CADPS: variants seen among roughly 807,000 people sequenced by gnomAD.
The protein encoded by CADPS is calcium dependent secretion activator.
Under a neutral mutation model 167.3 loss-of-function variants are expected in CADPS, and 57 were observed. That is an observed-to-expected ratio of 0.34 (90% CI 0.28 to 0.42). CADPS has a LOEUF of 0.42. Among genes scored for constraint, CADPS ranks in the 20% least tolerant of loss-of-function variants. CADPS has a pLI of 1.00. For synonymous variants in CADPS, 676 were observed against 635.3 expected, an observed-to-expected ratio of 1.06 and a Z score of -0.96; for missense variants, 1,414 against 1,738.1, an observed-to-expected ratio of 0.81 and a Z score of 3.32.
chr3:62,680,355 A>T (rs1484868906), intron 3 of CADPS, among the ~76,000 whole-genome samples: 1 of 152,054 alleles, frequency 6.6e-6, no homozygotes, highest in Non-Finnish European at 1.5e-5. Context: ...TGAAGTGAAC[A>T]CATTGGCCCA....
At chr3:62,460,868 C>A (rs1030220790) in intron 26 of CADPS, among the ~76,000 whole-genome samples, 1 of 152,154 alleles carries the variant, frequency 6.6e-6, no homozygotes, top group South Asian at 2.1e-4. Flanking sequence ...CTAAGATAGG[C>A]TTTATTCTTC....
At chr3:62,784,973 G>A (rs941176459) in intron 1 of CADPS, among the ~76,000 whole-genome samples, 2 of 152,102 alleles carry the variant, frequency 1.3e-5, no homozygotes, top group South Asian at 2.1e-4. Flanking sequence ...ATAATGGTAC[G>A]GTGGGTTATG....
intron 8 of CADPS, among the ~76,000 whole-genome samples, chr3:62,581,215 C>T (rs1257792296): frequency 1.3e-5 from 2 of 152,106 alleles, no homozygotes; most frequent in Non-Finnish European, 2.9e-5. Context: ...ATGAAGCTAA[C>T]CGCCAAATCT....
intron 3 of CADPS, among the ~76,000 whole-genome samples, chr3:62,740,949 A>G (rs1207071601): frequency 6.6e-6 from 1 of 152,188 alleles, no homozygotes; most frequent in Non-Finnish European, 1.5e-5. Context: ...TAACAGTTAG[A>G]ATTTATTGTG....
chr3:62,424,117 CA>C (rs1191602412), intron 28 of CADPS, among the ~76,000 whole-genome samples: 1 of 152,120 alleles, frequency 6.6e-6, no homozygotes, highest in African/African-American at 2.4e-5. Flanking sequence ...CTTCTAGAGG[CA>C]CAGAGTATGG....
At chr3:62,839,666 C>T (rs547143958) in intron 1 of CADPS, among the ~76,000 whole-genome samples, 26 of 152,100 alleles carry the variant, frequency 1.7e-4, no homozygotes, top group East Asian at 5.8e-4. Flanking sequence ...AATGGGTTGG[C>T]GAAGGCCAGG....
At chr3:62,871,807 T>A (rs1253459033) in intron 1 of CADPS, among the ~76,000 whole-genome samples, 4 of 152,202 alleles carry the variant, frequency 2.6e-5, no homozygotes, top group African/African-American at 9.6e-5. Context: ...TGTCCCATAC[T>A]ACTGTAAGAT....
chr3:62,413,833 A>G (rs1393853193), intron 28 of CADPS, among the ~76,000 whole-genome samples: 2 of 152,188 alleles, frequency 1.3e-5, no homozygotes, highest in African/African-American at 4.8e-5. Flanking sequence ...TTTGCCTAAG[A>G]AAGAACAGAT....
chr3:62,454,408 C>T (rs1226364593), intron 26 of CADPS, among the ~76,000 whole-genome samples: 2 of 152,140 alleles, frequency 1.3e-5, no homozygotes, highest in African/African-American at 2.4e-5. Context: ...GGAAACTGGG[C>T]TCAGAGAGGT....
At chr3:62,865,562 G>T (rs2081535885) in intron 1 of CADPS, among the ~76,000 whole-genome samples, 1 of 152,024 alleles carries the variant, frequency 6.6e-6, no homozygotes, top group African/African-American at 2.4e-5. Flanking sequence ...ATGGCAGACA[G>T]CAGATGGGAA....
chr3:62,654,949 C>G (rs13098841), intron 4 of CADPS, among the ~76,000 whole-genome samples: 105,838 of 152,032 alleles, frequency 0.7, 39,153 homozygotes, highest in East Asian at 0.93. Context: ...GGGACTCACT[C>G]AGTGCCTTTT....
At chr3:62,501,315 C>T (rs1177386025) in intron 17 of CADPS, among the ~76,000 whole-genome samples, 1 of 152,162 alleles carries the variant, frequency 6.6e-6, no homozygotes, top group Non-Finnish European at 1.5e-5. Context: ...AATAGACTAT[C>T]ATAATTTCAT....
intron 26 of CADPS, among the ~76,000 whole-genome samples, chr3:62,449,137 T>C (rs950354989): frequency 4.6e-5 from 7 of 152,276 alleles, no homozygotes; most frequent in Non-Finnish European, 5.9e-5. Flanking sequence ...TGTGTAAAAT[T>C]ACAGGGCCCT....
chr3:62,618,541 G>A (rs971041702), intron 6 of CADPS, among the ~76,000 whole-genome samples: 4 of 152,132 alleles, frequency 2.6e-5, no homozygotes, highest in African/African-American at 9.7e-5. Flanking sequence ...TTGCACCAGA[G>A]GAAAACTAGT....
intron 8 of CADPS, among the ~76,000 whole-genome samples, chr3:62,582,645 C>T (rs1354840534): frequency 1.3e-5 from 2 of 152,148 alleles, no homozygotes; most frequent in East Asian, 1.9e-4. Flanking sequence ...ATTTAGGCCA[C>T]GTTGGGTCCG....
chr3:62,423,944 A>C (rs2052034316), intron 28 of CADPS, among the ~76,000 whole-genome samples: 1 of 152,260 alleles, frequency 6.6e-6, no homozygotes, highest in Non-Finnish European at 1.5e-5. Context: ...GTTATTATTA[A>C]ACAGCCATTT....
At chr3:62,411,258 A>C (rs2048902530) in intron 28 of CADPS, among the ~76,000 whole-genome samples, 1 of 152,200 alleles carries the variant, frequency 6.6e-6, no homozygotes. Context: ...TTCTCTGGAA[A>C]GTTCCCTTTC....
At chr3:62,429,386 G>T (rs1219568006) in intron 28 of CADPS, among the ~76,000 whole-genome samples, 1 of 152,176 alleles carries the variant, frequency 6.6e-6, no homozygotes, top group Non-Finnish European at 1.5e-5. Flanking sequence ...TGAATAAAAA[G>T]AACCTATGCA....
chr3:62,584,004 TC>T (rs1179208995), intron 8 of CADPS, among the ~76,000 whole-genome samples: 1 of 104,766 alleles, frequency 9.5e-6, no homozygotes, highest in African/African-American at 3.7e-5. Context: ...TACCCAATCC[TC>T]TTTTTTTTTT....
Sources: allele counts gnomAD v4.1 joint callset (sites outside exome capture counted in the v4.1 genomes callset), GRCh38; gene constraint gnomAD v4.1.1; transcripts MANE v1.5; gene names NCBI Gene and HGNC (gene_info 2026-07-23, HGNC 2026-07-21).